ABHD5: variants seen among roughly 807,000 people sequenced by gnomAD.
The protein encoded by ABHD5 is 1-acylglycerol-3-phosphate O-acyltransferase ABHD5.
Under a neutral mutation model 44.9 loss-of-function variants are expected in ABHD5, and 30 were observed. The ratio of observed to expected loss-of-function variants is 0.67; its 90% CI spans 0.50 to 0.91. The LOEUF (loss-of-function observed/expected upper bound fraction) is 0.91. ABHD5 is among the 40% of genes least tolerant of loss of function. The pLI is 0.00. For synonymous variants in ABHD5, 167 were observed against 147.0 expected (o/e 1.14, Z -0.99); for missense variants, 399 against 423.4 (o/e 0.94, Z 0.50).
chr3:43,716,724 A>T (rs1350269699), intron 5 of ABHD5, among the ~76,000 whole-genome samples: 1 of 152,052 alleles, frequency 6.6e-6, no homozygotes, highest in African/African-American at 2.4e-5. Flanking sequence ...TTCCCCGGGA[A>T]CATCATTCAT....
chr3:43,699,018 T>C (rs1389779783), intron 1 of ABHD5, among the ~76,000 whole-genome samples: 1 of 152,238 alleles, frequency 6.6e-6, no homozygotes, highest in Non-Finnish European at 1.5e-5. Flanking sequence ...TATCCTCTTT[T>C]TGCTTATTTG....
downstream of ABHD5, among the ~76,000 whole-genome samples, chr3:43,725,662 G>A (rs1187827701): frequency 6.6e-6 from 1 of 152,150 alleles, no homozygotes; most frequent in East Asian, 1.9e-4. Flanking sequence ...GCTAACAGAT[G>A]TGAAGGCTGA....
intron 1 of ABHD5, among the ~76,000 whole-genome samples, chr3:43,695,721 T>C (rs1038147132): frequency 1.3e-5 from 2 of 152,226 alleles, no homozygotes; most frequent in Admixed American, 6.5e-5. Context: ...GTTGATAGTA[T>C]GGAGTATAAG....
rs1237959843 is a variant in ABHD5, at chr3:43,722,587, CTT to C, written c.*4056_*4057del. On this transcript the variant is annotated 3_prime_UTR_variant, in exon 7 of 7. Transcript: ENST00000644371. Reference sequence around the variant, plus strand: ...AGGCAACTCTTAAAACTAAAACAAACTTAACAGTCTGTCAAGTTGGTGATATA... The same window carrying C: ...AGGCAACTCTTAAAACTAAAACAAACAACAGTCTGTCAAGTTGGTGATATA... The C allele has an allele frequency of 1.3e-5, 2 of 152,140 alleles. No homozygotes were observed. Among genetic ancestry groups the C allele is most frequent in the African/African-American group, 4.8e-5 (2 of 41,434 alleles). The allele number at this position is 152,140 out of a possible 1,614,324, so 9.4% of individuals were successfully genotyped here.
Position 43,721,206 on chromosome 3 carries a change from A to G in ABHD5, c.*2674A>G, listed in dbSNP as rs2084831835. 6.6e-6 allele frequency: 1 copy of G among 152,190 alleles called. No homozygotes were observed. The highest frequency in any genetic ancestry group is 2.4e-5 in the African/African-American group (1 of 41,464). The allele number at this position is 152,190 out of a possible 1,614,324, so 9.4% of individuals were successfully genotyped here. A position where few individuals can be genotyped will look rare whatever the true frequency, so the allele number is the denominator to read the frequency against. On this transcript the variant is annotated 3_prime_UTR_variant, in exon 7 of 7. Coordinates refer to ENST00000644371, the MANE Select transcript of ABHD5 (RefSeq NM_016006.6). ...TCTCATTCAGAGAAAAAGGCTTTAA[A>G]AATGGTGTTGAGAGAAGTGTGGTTA...
At chr3:43,709,210 A>ATAGAATTGAGCAATTGTAGGGACAG (rs879321554) in intron 3 of ABHD5, among the ~76,000 whole-genome samples, 2 of 152,244 alleles carry the variant, frequency 1.3e-5, no homozygotes, top group Non-Finnish European at 2.9e-5. Context: ...TTATGAAGAC[A>ATAGAATTGAGCAATTGTAGGGACAG]TAGAATTGAG....
chr3:43,701,818 G>T (rs925670641), intron 2 of ABHD5: 2 of 160,468 alleles, frequency 1.2e-5, no homozygotes, highest in African/African-American at 2.4e-5. Context: ...CCTTGAAATT[G>T]TAGAACACCT....
At chr3:43,725,848 GTTTT>G (rs34068036), downstream of ABHD5, among the ~76,000 whole-genome samples, 11 of 146,816 alleles carry the variant, frequency 7.5e-5, no homozygotes, top group African/African-American at 2.7e-4. Context: ...CTGTTTCCTA[GTTTT>G]TTTTTTTGTT....
Position 43,691,048 on chromosome 3 carries a change from A to G in ABHD5, c.47+9A>G. 6.4e-7 allele frequency: 1 copy of G among 1,550,404 alleles called. No homozygotes were observed. The highest frequency in any genetic ancestry group is 8.7e-7 in the Non-Finnish European group (1 of 1,150,020). ...GCCGACACCGGAGAGAGGTAAGCGC[A>G]GCCGGCAGGGGGCTTCGTGTGTCTC... On this transcript the variant is annotated intron_variant, in intron 1 of 6. Coordinates refer to ENST00000644371, the MANE Select transcript of ABHD5 (RefSeq NM_016006.6).
rs1191264074 is a variant in ABHD5 at position 43,722,461 on chromosome 3, G to T, written c.*3929G>T. 1.3e-5 allele frequency: 2 copies of T among 152,172 alleles called. No individual in the cohort carries two copies. Among genetic ancestry groups the T allele is most frequent in the Non-Finnish European group, 2.9e-5 (2 of 68,014 alleles). The allele number at this position is 152,172 out of a possible 1,614,324, so 9.4% of individuals were successfully genotyped here. ...CTAATAAAATGATCTCCTTGTTAGTGGTGGTAGGGAGCTAGACAAGGATGG... is the reference window on the plus strand; with the variant it reads ...CTAATAAAATGATCTCCTTGTTAGTTGTGGTAGGGAGCTAGACAAGGATGG... On this transcript the variant is annotated 3_prime_UTR_variant, in exon 7 of 7. Coordinates refer to ENST00000644371, the MANE Select transcript of ABHD5 (RefSeq NM_016006.6).
At chr3:43,725,119 A>G (rs1371490789), downstream of ABHD5, among the ~76,000 whole-genome samples, 2 of 152,190 alleles carry the variant, frequency 1.3e-5, no homozygotes, top group South Asian at 4.1e-4. Context: ...AAATAGAGCT[A>G]TAAAGCTGTA....
At chr3:43,727,362 G>C (rs957115374), downstream of ABHD5, among the ~76,000 whole-genome samples, 9 of 152,102 alleles carry the variant, frequency 5.9e-5, no homozygotes, top group African/African-American at 2.2e-4. Context: ...TTATTCTACT[G>C]TACTGGAAGC....
chr3:43,728,396 T>G (rs2149612205), intron 7 of ABHD5, among the ~76,000 whole-genome samples: 1 of 152,360 alleles, frequency 6.6e-6, no homozygotes, highest in East Asian at 1.9e-4. Flanking sequence ...GCAACAATCT[T>G]GAGTAATGAG....
rs2084829902 is a variant in ABHD5 at position 43,721,051 on chromosome 3, A to T, written c.*2519A>T. Reference sequence around the variant, plus strand: ...ATTTCAATAAAACAAGAAGTACTGGAAAGAATAAACAAAAATAGCCAGAAG... The same window carrying T: ...ATTTCAATAAAACAAGAAGTACTGGTAAGAATAAACAAAAATAGCCAGAAG... On this transcript the variant is annotated 3_prime_UTR_variant, in exon 7 of 7. Coordinates refer to ENST00000644371, the MANE Select transcript of ABHD5 (RefSeq NM_016006.6). The T allele has an allele frequency of 6.6e-6, 1 of 152,188 alleles. No homozygotes were observed. The highest frequency in any genetic ancestry group is 1.5e-5 in the Non-Finnish European group (1 of 68,038). The allele number at this position is 152,188 out of a possible 1,614,324, so 9.4% of individuals were successfully genotyped here.
intron 7 of ABHD5, among the ~76,000 whole-genome samples, chr3:43,732,042 G>A (rs555012646): frequency 1.7e-4 from 26 of 151,920 alleles, no homozygotes; most frequent in African/African-American, 6.0e-4. Flanking sequence ...TGGTGAGTGC[G>A]AGACAAAACA....
Position 43,702,321 on chromosome 3 carries a change from T to C in ABHD5, c.240T>C (p.Leu80=). The stretch of plus-strand genomic sequence containing the variant: ...TTTCAAATAAGACTCCACTTGTCCT[T>C]CTCCATGGTTTTGGAGGAGGTCTTG... ...HNISNKTPLV[L]LHGFGGGLGL... is the part of the protein sequence containing the mutation. The change falls in exon 3 of 7, where the codon CTT becomes CTC. Residue 80 remains leucine (L), a synonymous_variant. Transcript: ENST00000644371. The C allele has an allele frequency of 3.7e-6, 6 of 1,611,512 alleles. No homozygotes were observed. Among genetic ancestry groups the C allele is most frequent in the Non-Finnish European group, 5.1e-6 (6 of 1,177,774 alleles).
chr3:43,729,661 A>C (rs763291414), intron 7 of ABHD5, among the ~76,000 whole-genome samples: 4 of 152,202 alleles, frequency 2.6e-5, no homozygotes, highest in Non-Finnish European at 5.9e-5. Context: ...TGACAAAGGT[A>C]GATAATTTGT....
At chr3:43,705,851 A>G (rs186641113) in intron 3 of ABHD5, among the ~76,000 whole-genome samples, 3 of 152,188 alleles carry the variant, frequency 2.0e-5, no homozygotes, top group Admixed American at 2.0e-4. Flanking sequence ...TATTACTAAT[A>G]ATGTTGCTCA....
chr3:43,715,562 ATTCTT>A (rs1258146423), intron 5 of ABHD5, among the ~76,000 whole-genome samples: 1 of 152,182 alleles, frequency 6.6e-6, no homozygotes, highest in Non-Finnish European at 1.5e-5. Context: ...TTACTCATCT[ATTCTT>A]AGAGTACCCA....
Sources: allele counts gnomAD v4.1 joint callset (sites outside exome capture counted in the v4.1 genomes callset), GRCh38; gene constraint gnomAD v4.1.1; transcripts MANE v1.5; gene names NCBI Gene and HGNC (gene_info 2026-07-23, HGNC 2026-07-21).